Variants in CD86 observed in about 807,000 individuals in gnomAD.
CD86 encodes T-lymphocyte activation antigen CD86.
Under a neutral mutation model 32.1 loss-of-function variants are expected in CD86, and 11 were observed. The ratio of observed to expected loss-of-function variants is 0.34; its 90% confidence interval spans 0.22 to 0.57. CD86 has a LOEUF of 0.57. Among genes scored for constraint, CD86 ranks in the 20% least tolerant of loss-of-function variants. The pLI is 0.86. For synonymous variants in CD86, 137 were observed against 135.3 expected (o/e 1.01, Z -0.09); for missense variants, 359 against 398.4 (o/e 0.90, Z 0.84).
intron 6 of CD86, among the ~76,000 whole-genome samples, chr3:122,118,865 C>T (rs1471602812): frequency 2.6e-5 from 4 of 152,144 alleles, no homozygotes; most frequent in South Asian, 2.1e-4. Context: ...GGTGATCAGT[C>T]CTTTCACAAC....
intron 5 of CD86, among the ~76,000 whole-genome samples, chr3:122,117,517 G>A (rs2073273126): frequency 6.6e-6 from 1 of 152,222 alleles, no homozygotes; most frequent in Non-Finnish European, 1.5e-5. Context: ...TACATCCCAA[G>A]TTGTGTCAGT....
intron 5 of CD86, among the ~76,000 whole-genome samples, chr3:122,115,202 A>G (rs904592378): frequency 1.3e-5 from 2 of 152,218 alleles, no homozygotes; most frequent in Admixed American, 1.3e-4. Flanking sequence ...AAAATCAATT[A>G]TTTCTATATA....
chr3:122,101,288 C>T (rs952007955), intron 2 of CD86, among the ~76,000 whole-genome samples: 1 of 151,650 alleles, frequency 6.6e-6, no homozygotes, highest in Non-Finnish European at 1.5e-5. Flanking sequence ...CCAGAGATTC[C>T]GTGTTTCAGA....
chr3:122,064,891 A>G (rs2072391765), intron 1 of CD86, among the ~76,000 whole-genome samples: 1 of 152,212 alleles, frequency 6.6e-6, no homozygotes, highest in Admixed American at 6.6e-5. Flanking sequence ...TTTATTCAAT[A>G]AAGTTTTATT....
chr3:122,113,672 T>C (rs141498159), intron 5 of CD86, among the ~76,000 whole-genome samples: 1 of 152,362 alleles, frequency 6.6e-6, no homozygotes, highest in African/African-American at 2.4e-5. Context: ...TGTCTATTCA[T>C]GTCCTTATAA....
In CD86 at chr3:122,073,385, G is replaced by A. The variant is rs368752885; in HGVS notation, c.14+17882G>A. ...GGGCTGTTTGTTCTTTTATCTTTGAGTTATAAGAGTTCATTGTGTATTTTG... is the reference window on the plus strand; with the variant it reads ...GGGCTGTTTGTTCTTTTATCTTTGAATTATAAGAGTTCATTGTGTATTTTG... On this transcript the variant is annotated intron_variant, in intron 1 of 6. Transcript: ENST00000330540. Among the ~76,000 whole-genome samples, 24 of 151,958 alleles carry A rather than the reference G, an allele frequency of 1.6e-4. No individual in the cohort carries two copies. In the East Asian group the frequency reaches 4.7e-3, roughly 29 times the overall value.
chr3:122,077,812 C>T, intron 1 of CD86: 2 of 985,500 alleles, frequency 2.0e-6, no homozygotes, highest in Middle Eastern at 5.2e-4. Flanking sequence ...AGCAAGAGCA[C>T]TGTCCCTGGC....
chr3:122,119,674 G>A lies in CD86; in HGVS notation c.*140G>A, dbSNP rs1420650862. ...GGGGGCTCCAGGACTCCCTCTAAGT[G>A]GAATAGCCTCCCTGTAACTCCAGCT... On this transcript the variant is annotated 3_prime_UTR_variant, in exon 7 of 7. Transcript: ENST00000330540. The A allele has an allele frequency of 1.6e-6, 1 of 615,194 alleles. No homozygotes were observed. Among genetic ancestry groups the A allele is most frequent in the African/African-American group, 1.9e-5 (1 of 53,684 alleles). 38.1% of individuals were successfully genotyped at this position (615,194 alleles called of 1,614,324 possible).
intron 1 of CD86, chr3:122,078,166 A>G: frequency 4.1e-6 from 2 of 486,204 alleles, no homozygotes; most frequent in Non-Finnish European, 5.4e-6. Context: ...GGGATTGCAG[A>G]GAGCATGCTT....
At chr3:122,064,614 G>T (rs1296628349) in intron 1 of CD86, among the ~76,000 whole-genome samples, 2 of 152,140 alleles carry the variant, frequency 1.3e-5, no homozygotes, top group Admixed American at 1.3e-4. Context: ...TAAGGATGTG[G>T]TTCAGAACAG....
intron 5 of CD86, 33 bp downstream of exon 5, chr3:122,109,441 C>G: frequency 6.2e-7 from 1 of 1,612,110 alleles, no homozygotes; most frequent in Non-Finnish European, 8.5e-7. Flanking sequence ...CACAGACTGT[C>G]ACTTTGCACC....
At chr3:122,093,961 T>C (rs1358182238) in intron 2 of CD86, among the ~76,000 whole-genome samples, 1 of 152,226 alleles carries the variant, frequency 6.6e-6, no homozygotes, top group Admixed American at 6.5e-5. Flanking sequence ...TGGTAAACCA[T>C]GAATAAGTGG....
chr3:122,098,350 C>T (rs1002042228), intron 2 of CD86, among the ~76,000 whole-genome samples: 4 of 152,138 alleles, frequency 2.6e-5, no homozygotes, highest in African/African-American at 7.2e-5. Context: ...GAGGAAGAAC[C>T]TTCTGGACAG....
At chr3:122,090,627 T>G (rs989124385) in intron 1 of CD86, among the ~76,000 whole-genome samples, 2 of 152,188 alleles carry the variant, frequency 1.3e-5, no homozygotes, top group Non-Finnish European at 2.9e-5. Flanking sequence ...TTCCTGTGTA[T>G]GGCCATACCA....
chr3:122,093,854 A>G (rs1254239229), intron 2 of CD86, among the ~76,000 whole-genome samples: 1 of 152,218 alleles, frequency 6.6e-6, no homozygotes, highest in Non-Finnish European at 1.5e-5. Context: ...GAAGTAATTT[A>G]CCCAAGATCG....
At chr3:122,082,109 G>T (rs554343439) in intron 1 of CD86, among the ~76,000 whole-genome samples, 1 of 152,164 alleles carries the variant, frequency 6.6e-6, no homozygotes, top group East Asian at 1.9e-4. Context: ...TACTCAATTC[G>T]AGATTCGCTC....
At chr3:122,079,461 G>A (rs559926672) in intron 1 of CD86, among the ~76,000 whole-genome samples, 9 of 152,170 alleles carry the variant, frequency 5.9e-5, no homozygotes, top group Non-Finnish European at 1.2e-4. Flanking sequence ...CCAGGGGATT[G>A]AAGCTTCAAA....
chr3:122,078,887 G>A (rs1253416875), intron 1 of CD86, among the ~76,000 whole-genome samples: 2 of 152,170 alleles, frequency 1.3e-5, no homozygotes, highest in East Asian at 3.9e-4. Flanking sequence ...GTACTAAAAT[G>A]CGTCTATTTA....
At chr3:122,115,416 A>G (rs1478760192) in intron 5 of CD86, among the ~76,000 whole-genome samples, 7 of 152,216 alleles carry the variant, frequency 4.6e-5, no homozygotes, top group Non-Finnish European at 7.4e-5. Flanking sequence ...ACTAGATGTT[A>G]AGATAACCAT....
Sources: allele counts gnomAD v4.1 joint callset (sites outside exome capture counted in the v4.1 genomes callset), GRCh38; gene constraint gnomAD v4.1.1; transcripts MANE v1.5; gene names NCBI Gene and HGNC (gene_info 2026-07-23, HGNC 2026-07-21).